Variants in GGT1 observed in about 807,000 individuals in gnomAD.
The protein encoded by GGT1 is gamma-glutamyltransferase 1.
In GGT1, 21 loss-of-function variants were observed where a neutral mutation model predicts 56.0. That is an observed-to-expected ratio of 0.38 (90% CI 0.27 to 0.54). The LOEUF is 0.54. Among genes scored for constraint, GGT1 ranks in the 20% least tolerant of loss-of-function variants. The probability of loss-of-function intolerance (pLI) is 0.82; values close to 1 mark genes in which losing one functional copy is unlikely to be tolerated. For synonymous variants in GGT1, 238 were observed against 342.6 expected (o/e 0.69, Z 3.37); for missense variants, 466 against 787.0 (o/e 0.59, Z 4.88).
intron 1 of GGT1, among the ~76,000 whole-genome samples, chr22:24,596,742 C>CAAAAAAAAA (rs57547019): frequency 1.2e-4 from 13 of 108,244 alleles, no homozygotes; most frequent in African/African-American, 2.9e-4. Context: ...TACTAAAATA[C>CAAAAAAAAA]AAAAAAAAAA....
intron 1 of GGT1, among the ~76,000 whole-genome samples, chr22:24,595,758 G>A (rs528863186): frequency 3.9e-5 from 6 of 152,342 alleles, no homozygotes; most frequent in Non-Finnish European, 5.9e-5. Context: ...TAGTTCAAAT[G>A]ACAGGAACAC....
At chr22:24,605,037 A>ATATATATATATAT (rs1569047530) in intron 1 of GGT1, among the ~76,000 whole-genome samples, 1 of 50,042 alleles carries the variant, frequency 2.0e-5, no homozygotes, top group African/African-American at 1.5e-4. Flanking sequence ...TATATATATA[A>ATATATATATATAT]AATATGTAAT....
chr22:24,592,900 G>A, upstream of GGT1: 1 of 1,281,082 alleles, frequency 7.8e-7, no homozygotes, highest in African/African-American at 1.6e-5. Flanking sequence ...GGCGCGCTCC[G>A]GCCGCCGCTC....
upstream of GGT1, among the ~76,000 whole-genome samples, chr22:24,598,445 CA>C (rs1186508492): frequency 0.028 from 2,163 of 75,966 alleles, 25 homozygotes; most frequent in African/African-American, 0.087. Context: ...GACTCCGTCT[CA>C]AAAAAAAAAA....
chr22:24,591,237 G>A (rs558854444), upstream of GGT1, among the ~76,000 whole-genome samples: 17 of 152,338 alleles, frequency 1.1e-4, no homozygotes, highest in East Asian at 2.9e-3. Context: ...GTGCCACCAC[G>A]CCCAGCTAAT....
chr22:24,614,820 C>T lies in GGT1; in HGVS notation c.209C>T (p.Ala70Val). 6.2e-7 allele frequency: 1 copy of T among 1,613,396 alleles called. No homozygotes were observed. The highest frequency in any genetic ancestry group is 8.5e-7 in the Non-Finnish European group (1 of 1,179,526). The change falls in exon 6 of 16, where the codon GCA (alanine) becomes GTA (valine). Residue 70 changes from alanine to valine, a missense_variant. Coordinates refer to ENST00000400382, the MANE Select transcript of GGT1 (RefSeq NM_001288833.2). ...DGGSAVDAAI[A>V]ALLCVGLMNA... ...GGCTCTGCGGTGGATGCAGCCATTG[C>T]AGCCCTGTTGTGTGTGGGGCTCATG...
At chr22:24,591,236 C>T (rs1010353902), upstream of GGT1, among the ~76,000 whole-genome samples, 12 of 152,258 alleles carry the variant, frequency 7.9e-5, no homozygotes, top group Non-Finnish European at 1.2e-4. Flanking sequence ...TGTGCCACCA[C>T]GCCCAGCTAA....
At position 24,617,734 on chromosome 22, in the gene GGT1, A is replaced by G. The variant is rs370282663; in HGVS notation, c.383-2594A>G. Among the ~76,000 whole-genome samples the G allele has an allele frequency of 6.8e-4, 103 of 152,242 alleles. 1 individual carries two copies. In the South Asian group the frequency reaches 0.021, roughly 31 times the overall value. ...GAAGTTTGAGATGCTTTCTTCGAGC[A>G]GGCAGGTAGATCCTCAGGTCTGGTG... On this transcript the variant is annotated intron_variant, in intron 7 of 15. Coordinates refer to ENST00000400382, the MANE Select transcript of GGT1 (RefSeq NM_001288833.2).
At chr22:24,590,807 T>G (rs1463202998), upstream of GGT1, among the ~76,000 whole-genome samples, 1 of 152,092 alleles carries the variant, frequency 6.6e-6, no homozygotes, top group Non-Finnish European at 1.5e-5. Flanking sequence ...CCCAGCTCAG[T>G]ATAGGGCACC....
chr22:24,622,358 A>T (rs537058772), intron 9 of GGT1, among the ~76,000 whole-genome samples: 2 of 143,504 alleles, frequency 1.4e-5, no homozygotes, highest in African/African-American at 5.2e-5. Context: ...GGGTCAGGAG[A>T]TCGAGACCAT....
At chr22:24,589,773 C>T in the GGT1 span, 1 of 1,536,366 alleles carries the variant, frequency 6.5e-7, no homozygotes, top group Non-Finnish European at 8.8e-7. Context: ...TGTTGGCCCC[C>T]CTGTCCACCA....
intron 7 of GGT1, among the ~76,000 whole-genome samples, chr22:24,619,400 G>GAAA (rs372709571): frequency 1.7e-4 from 16 of 96,410 alleles, no homozygotes; most frequent in East Asian, 3.5e-4. Context: ...CTCCATCTCA[G>GAAA]AAAAAAAAAA....
Position 24,628,840 on chromosome 22 carries a change from G to C in GGT1, c.*1G>C. On this transcript the variant is annotated 3_prime_UTR_variant, in exon 16 of 16. Transcript: ENST00000400382. The surrounding 1 kb of genome is among the most constrained non-coding windows in gnomAD (Gnocchi z 5.7). The stretch of plus-strand genomic sequence containing the variant: ...AGGCGGGGAGCCTGCCGGCTACTGA[G>C]TGCTCCAGGAGGACAAGGCTGACAA... 1 of 1,590,352 alleles carries C rather than the reference G, an allele frequency of 6.3e-7. No individual in the cohort carries two copies. The highest frequency in any genetic ancestry group is 1.1e-5 in the South Asian group (1 of 88,598).
chr22:24,592,807 A>C, upstream of GGT1: 2 of 1,243,972 alleles, frequency 1.6e-6, no homozygotes, highest in Non-Finnish European at 2.0e-6. Context: ...CCAGACCCCC[A>C]GACCCCCAGA....
chr22:24,599,813 G>A (rs949398381), upstream of GGT1, among the ~76,000 whole-genome samples: 3 of 152,154 alleles, frequency 2.0e-5, no homozygotes, highest in African/African-American at 7.2e-5. Context: ...TATGAGGCAG[G>A]GGGAGGTCCC....
intron 10 of GGT1, 74 bp downstream of exon 10, chr22:24,623,330 G>A: frequency 7.0e-7 from 1 of 1,423,590 alleles, no homozygotes; most frequent in Non-Finnish European, 9.6e-7. Flanking sequence ...CACCCCTCCT[G>A]CATCTCTGCT....
rs1373013594 is a variant in GGT1 at position 24,628,611 on chromosome 22, G to A, written c.1564-82G>A. On this transcript the variant is annotated intron_variant, in intron 15 of 15. Coordinates refer to ENST00000400382, the MANE Select transcript of GGT1 (RefSeq NM_001288833.2). This position sits in a 1 kb window ranked among gnomAD's most constrained non-coding sequence, Gnocchi z 5.7. Reference sequence around the variant, plus strand: ...ACCTGGCCCGAAATGGCACCACCTGGGCTGAGGCCTGTGACCACACAGATG... The same window carrying A: ...ACCTGGCCCGAAATGGCACCACCTGAGCTGAGGCCTGTGACCACACAGATG... The A allele has an allele frequency of 3.0e-5, 48 of 1,610,092 alleles. No homozygotes were observed.
intron 5 of GGT1, among the ~76,000 whole-genome samples, chr22:24,612,860 C>G (rs1016367252): frequency 2.6e-5 from 4 of 152,080 alleles, no homozygotes; most frequent in African/African-American, 9.7e-5. Flanking sequence ...GAGTCTTACT[C>G]TGTTACCCAG....
rs2046538162 is a variant in GGT1 at position 24,609,612 on chromosome 22, G to A, written c.-358-353G>A. 6 of 266,300 alleles carry A rather than the reference G, an allele frequency of 2.3e-5. 1 individual carries two copies. Among genetic ancestry groups the A allele is most frequent in the South Asian group, 2.2e-4 (6 of 27,122 alleles). The allele number at this position is 266,300 out of a possible 1,614,324, so 16.5% of individuals were successfully genotyped here. On this transcript the variant is annotated intron_variant, in intron 2 of 15. Transcript: ENST00000400382. ...CAGACGCTCTGCACTGGGACAGGGT[G>A]GAGTGGAGGGAAATCCAGCTTGGGG...
Sources: allele counts gnomAD v4.1 joint callset (sites outside exome capture counted in the v4.1 genomes callset), GRCh38; gene constraint gnomAD v4.1.1; non-coding constraint Gnocchi (gnomAD v3.1); transcripts MANE v1.5; gene names NCBI Gene and HGNC (gene_info 2026-07-23, HGNC 2026-07-21).